NXPE2: variants seen among roughly 807,000 people sequenced by gnomAD.
The protein encoded by NXPE2 is neurexophilin and PC-esterase domain family member 2.
In NXPE2, 34 loss-of-function variants were observed where a neutral mutation model predicts 34.4. The observed-to-expected ratio is 0.99, with a 90% confidence interval of 0.75 to 1.31. NXPE2 has a LOEUF of 1.31. NXPE2 is among the 40% of genes most tolerant of loss of function. The pLI is 0.00. For synonymous variants in NXPE2, 235 were observed against 231.3 expected (o/e 1.02, Z -0.15); for missense variants, 649 against 672.5 (o/e 0.97, Z 0.39).
At chr11:114,491,604 T>A in the NXPE2 span, among the ~76,000 whole-genome samples, 1 of 152,168 alleles carries the variant, frequency 6.6e-6, no homozygotes, top group African/African-American at 2.4e-5. Context: ...AGTGTGGCGA[T>A]TCCTCAGGGA....
chr11:114,673,087 CAT>C, the NXPE2 span, among the ~76,000 whole-genome samples: 3 of 147,938 alleles, frequency 2.0e-5, no homozygotes, highest in Non-Finnish European at 4.5e-5. Context: ...ATATATATAA[CAT>C]ATATAGTATA....
At chr11:114,699,451 T>G (rs1286001893) in intron 3 of NXPE2, among the ~76,000 whole-genome samples, 1 of 152,194 alleles carries the variant, frequency 6.6e-6, no homozygotes, top group Non-Finnish European at 1.5e-5. Flanking sequence ...AAGGTGAAAT[T>G]TAAACTCTTT....
chr11:114,663,012 A>G, the NXPE2 span, among the ~76,000 whole-genome samples: 4 of 152,176 alleles, frequency 2.6e-5, no homozygotes, highest in Admixed American at 2.6e-4. Flanking sequence ...CCCTGATTCC[A>G]GCACTTGTCT....
intron 3 of NXPE2, among the ~76,000 whole-genome samples, chr11:114,701,594 A>C (rs948128346): frequency 2.6e-5 from 4 of 152,188 alleles, no homozygotes; most frequent in Non-Finnish European, 5.9e-5. Context: ...GATGTAGTGC[A>C]TGTGCAAGGA....
the NXPE2 span, among the ~76,000 whole-genome samples, chr11:114,659,360 T>C: frequency 1.1e-4 from 16 of 151,728 alleles, no homozygotes; most frequent in African/African-American, 3.9e-4. Flanking sequence ...GATGGCCTTA[T>C]CAGAAGAGTT....
At chr11:114,719,798 C>T in the NXPE2 span, among the ~76,000 whole-genome samples, 3 of 152,168 alleles carry the variant, frequency 2.0e-5, no homozygotes, top group Non-Finnish European at 4.4e-5. Context: ...GGGCCCTGAG[C>T]GGGTATGGTA....
At chr11:114,718,920 C>G in the NXPE2 span, among the ~76,000 whole-genome samples, 3 of 152,248 alleles carry the variant, frequency 2.0e-5, no homozygotes, top group Non-Finnish European at 2.9e-5. Flanking sequence ...TCGCTCTGCT[C>G]TCTCCTTGCA....
intron 1 of NXPE2, 24 bp downstream of exon 1, chr11:114,678,625 TGCCAA>T: frequency 6.5e-7 from 1 of 1,540,274 alleles, no homozygotes; most frequent in South Asian, 1.2e-5. Context: ...CAACTCTTAC[TGCCAA>T]GCTAACGTCA....
chr11:114,744,892 A>G, the NXPE2 span, among the ~76,000 whole-genome samples: 1 of 152,232 alleles, frequency 6.6e-6, no homozygotes, highest in Non-Finnish European at 1.5e-5. Flanking sequence ...AATTACTATG[A>G]AAGCTGTTCA....
At chr11:114,803,673 T>G in the NXPE2 span, among the ~76,000 whole-genome samples, 19 of 151,418 alleles carry the variant, frequency 1.3e-4, no homozygotes, top group Admixed American at 3.3e-4. Flanking sequence ...ACCTCCTGGG[T>G]TCAAGCAATT....
chr11:114,505,484 A>G, the NXPE2 span, among the ~76,000 whole-genome samples: 3 of 152,322 alleles, frequency 2.0e-5, no homozygotes, highest in East Asian at 5.8e-4. Context: ...GAGAAAGGCC[A>G]GGTCATATAC....
the NXPE2 span, among the ~76,000 whole-genome samples, chr11:114,621,173 G>A: frequency 1.3e-5 from 2 of 151,012 alleles, no homozygotes; most frequent in Admixed American, 1.3e-4. Flanking sequence ...GATAATTAGT[G>A]TTGCCTCGTG....
chr11:114,671,720 A>G, the NXPE2 span, among the ~76,000 whole-genome samples: 63 of 152,110 alleles, frequency 4.1e-4, no homozygotes, highest in East Asian at 0.012. Context: ...GTGAAGAGGA[A>G]AAAGAGAAAT....
At chr11:114,548,160 G>A in the NXPE2 span, among the ~76,000 whole-genome samples, 3 of 152,054 alleles carry the variant, frequency 2.0e-5, no homozygotes, top group East Asian at 1.9e-4. Flanking sequence ...TTTATGCACC[G>A]AGTACAGAGA....
chr11:114,709,730 C>T (rs1291657904), downstream of NXPE2, among the ~76,000 whole-genome samples: 16 of 151,928 alleles, frequency 1.1e-4, no homozygotes. Context: ...ATGGTGAAAC[C>T]CTGTCTCTAC....
the NXPE2 span, among the ~76,000 whole-genome samples, chr11:114,715,550 T>A: frequency 6.6e-6 from 1 of 152,126 alleles, no homozygotes; most frequent in South Asian, 2.1e-4. Flanking sequence ...GAAAAACCCA[T>A]AGTAATGTAA....
At chr11:114,528,321 A>G in the NXPE2 span, among the ~76,000 whole-genome samples, 2,073 of 152,268 alleles carry the variant, frequency 0.014, 39 homozygotes, top group African/African-American at 0.047. Context: ...CTGCCAGAGC[A>G]CCCTTTCTCA....
the NXPE2 span, among the ~76,000 whole-genome samples, chr11:114,607,036 G>A: frequency 6.6e-6 from 1 of 151,588 alleles, no homozygotes; most frequent in African/African-American, 2.4e-5. Flanking sequence ...GTTACCCAGT[G>A]GATAATAAGT....
At chr11:114,675,762 A>G (rs1421637690), upstream of NXPE2, among the ~76,000 whole-genome samples, 1 of 151,968 alleles carries the variant, frequency 6.6e-6, no homozygotes, top group East Asian at 1.9e-4. Flanking sequence ...TGAAACTTAC[A>G]TGGAACCACA....
Sources: allele counts gnomAD v4.1 joint callset (sites outside exome capture counted in the v4.1 genomes callset), GRCh38; gene constraint gnomAD v4.1.1; transcripts MANE v1.5; gene names NCBI Gene and HGNC (gene_info 2026-07-23, HGNC 2026-07-21).